The following MOXD1 variants were observed in gnomAD, a reference collection of about 807,000 sequenced individuals.
MOXD1 encodes the protein monooxygenase DBH like 1.
MOXD1 carries 62 observed loss-of-function variants against 66.6 expected under a neutral mutation model. The ratio of observed to expected loss-of-function variants is 0.93; its 90% CI spans 0.76 to 1.15. The LOEUF (loss-of-function observed/expected upper bound fraction) is 1.15. MOXD1 is among the 50% of genes most tolerant of loss of function. The pLI, the probability that MOXD1 is intolerant of heterozygous loss-of-function variation, is 0.00. For synonymous variants in MOXD1, 303 were observed against 281.9 expected, an observed-to-expected ratio of 1.07 and a Z score of -0.75; for missense variants, 847 against 754.6, an observed-to-expected ratio of 1.12 and a Z score of -1.44.
intron 4 of MOXD1, among the ~76,000 whole-genome samples, chr6:132,337,692 A>G (rs1318272799): frequency 1.3e-5 from 2 of 152,240 alleles, no homozygotes; most frequent in Non-Finnish European, 2.9e-5. Context: ...ACAGAACATT[A>G]CTTTTAAGAC....
At chr6:132,401,038 G>C (rs1777012331) in intron 1 of MOXD1, 125 bp downstream of exon 1, 3 of 1,222,752 alleles carry the variant, frequency 2.5e-6, no homozygotes, top group Non-Finnish European at 2.1e-6. Context: ...GCGTGGCCGG[G>C]GGCGCGGGGC....
At chr6:132,304,545 C>A (rs1774644463) in intron 10 of MOXD1, among the ~76,000 whole-genome samples, 1 of 152,184 alleles carries the variant, frequency 6.6e-6, no homozygotes, top group Admixed American at 6.5e-5. Context: ...ACAGTAGAGG[C>A]TCCATCTATT....
At position 132,363,341 on chromosome 6, in the gene MOXD1, A is replaced by G. The variant is rs183753183; in HGVS notation, c.663+9267T>C. 2.5e-3 allele frequency among the ~76,000 whole-genome samples: 380 copies of G among 152,218 alleles called. 4 individuals are homozygous for G. Among genetic ancestry groups the G allele is most frequent in the East Asian group, 5.8e-3 (30 of 5,178 alleles). On this transcript the variant is annotated intron_variant, in intron 4 of 11. Coordinates refer to ENST00000367963, the MANE Select transcript of MOXD1 (RefSeq NM_015529.4). ...TTTCCAAGCTCATCAAATGGTACAC[A>G]CTATAACTGTGCAGTTCTTTGTATA...
chr6:132,354,863 G>T (rs554004456), intron 4 of MOXD1, among the ~76,000 whole-genome samples: 2 of 152,230 alleles, frequency 1.3e-5, no homozygotes, highest in African/African-American at 2.4e-5. Context: ...AGGTTCCCAG[G>T]TCAATGGAGT....
chr6:132,351,205 C>T (rs1265536125), intron 4 of MOXD1, among the ~76,000 whole-genome samples: 1 of 152,078 alleles, frequency 6.6e-6, no homozygotes, highest in Non-Finnish European at 1.5e-5. Flanking sequence ...GATTGGGCAT[C>T]CTTGTCTTGT....
intron 10 of MOXD1, among the ~76,000 whole-genome samples, chr6:132,305,525 T>C (rs1774669646): frequency 6.6e-6 from 1 of 152,192 alleles, no homozygotes; most frequent in Non-Finnish European, 1.5e-5. Flanking sequence ...AAGTGCTTTG[T>C]AAAATGAGTC....
intron 4 of MOXD1, among the ~76,000 whole-genome samples, chr6:132,346,495 A>C (rs1443637511): frequency 6.6e-6 from 1 of 152,190 alleles, no homozygotes; most frequent in East Asian, 1.9e-4. Context: ...CTAAAGGCTA[A>C]ATCTAATTGT....
intron 4 of MOXD1, among the ~76,000 whole-genome samples, chr6:132,335,254 C>G (rs1582578765): frequency 1.3e-5 from 2 of 151,198 alleles, no homozygotes; most frequent in African/African-American, 4.9e-5. Context: ...ATTACCTAAA[C>G]AATAATGCTG....
intron 4 of MOXD1, among the ~76,000 whole-genome samples, chr6:132,356,127 C>G (rs923090807): frequency 1.3e-5 from 2 of 152,216 alleles, no homozygotes; most frequent in Non-Finnish European, 2.9e-5. Flanking sequence ...TGAGTTGATA[C>G]TCTATTCTTG....
chr6:132,316,449 C>T (rs1774961777), intron 9 of MOXD1, among the ~76,000 whole-genome samples: 2 of 151,918 alleles, frequency 1.3e-5, no homozygotes, highest in South Asian at 4.1e-4. Context: ...TCAATAAAGC[C>T]GTTTTACAAA....
intron 10 of MOXD1, among the ~76,000 whole-genome samples, chr6:132,304,164 C>T (rs1018348306): frequency 2.6e-5 from 4 of 151,746 alleles, no homozygotes; most frequent in African/African-American, 9.7e-5. Flanking sequence ...GGGTTCCATG[C>T]TCATGAATGG....
chr6:132,388,594 G>A (rs544663730), intron 1 of MOXD1, among the ~76,000 whole-genome samples: 1 of 151,436 alleles, frequency 6.6e-6, no homozygotes, highest in Admixed American at 6.6e-5. Context: ...TAGCTTGAGG[G>A]CATTTCACTG....
At position 132,349,378 on chromosome 6, in the gene MOXD1, C is replaced by T. The variant is rs868315391; in HGVS notation, c.664-20784G>A. On this transcript the variant is annotated intron_variant, in intron 4 of 11. Coordinates refer to ENST00000367963, the MANE Select transcript of MOXD1 (RefSeq NM_015529.4). The stretch of plus-strand genomic sequence containing the variant: ...ATATATTCCATCATATATATATATA[C>T]ATGTATATATATATACACATATATA... Among the ~76,000 whole-genome samples, 129 of 64,544 alleles carry T rather than the reference C, an allele frequency of 2.0e-3. 4 individuals carry two copies. The highest frequency in any genetic ancestry group is 2.7e-3 in the Non-Finnish European group (92 of 34,404). 42.3% of individuals were successfully genotyped at this position (64,544 alleles called of 152,430 possible).
intron 4 of MOXD1, among the ~76,000 whole-genome samples, chr6:132,350,681 G>A (rs1397145618): frequency 2.0e-5 from 3 of 151,948 alleles, no homozygotes; most frequent in Admixed American, 6.6e-5. Flanking sequence ...GTATTTTGAC[G>A]GGGACTGAAT....
chr6:132,339,799 T>C (rs1374615694), intron 4 of MOXD1, among the ~76,000 whole-genome samples: 1 of 151,776 alleles, frequency 6.6e-6, no homozygotes, highest in Admixed American at 6.6e-5. Flanking sequence ...TTCTCTACCA[T>C]GAGGCAAAAT....
chr6:132,329,348 C>T (rs1057262157), intron 4 of MOXD1, among the ~76,000 whole-genome samples: 2 of 152,162 alleles, frequency 1.3e-5, no homozygotes, highest in African/African-American at 4.8e-5. Flanking sequence ...ATATGTGCCA[C>T]ATTTTCTTAA....
intron 4 of MOXD1, among the ~76,000 whole-genome samples, chr6:132,371,857 T>C: frequency 6.6e-6 from 1 of 152,222 alleles, no homozygotes. Context: ...TACAGTATTC[T>C]GTATGCACTA....
At chr6:132,312,330 A>G (rs1774847615) in intron 10 of MOXD1, among the ~76,000 whole-genome samples, 1 of 152,226 alleles carries the variant, frequency 6.6e-6, no homozygotes, top group Admixed American at 6.5e-5. Context: ...CATATGTTAT[A>G]TGATATTCCT....
In MOXD1 at chr6:132,354,631, G is replaced by A. The variant is rs368368871; in HGVS notation, c.663+17977C>T. Reference sequence around the variant, plus strand: ...AAGTTCTATTTTTGTGCTGGTTGGCGTCCTGCCAGGAGGTGGCACTTTCCA... The same window carrying A: ...AAGTTCTATTTTTGTGCTGGTTGGCATCCTGCCAGGAGGTGGCACTTTCCA... On this transcript the variant is annotated intron_variant, in intron 4 of 11. Coordinates refer to ENST00000367963, the MANE Select transcript of MOXD1 (RefSeq NM_015529.4). Among the ~76,000 whole-genome samples the A allele has an allele frequency of 4.7e-4, 71 of 152,352 alleles. 1 individual carries two copies. Among genetic ancestry groups the A allele is most frequent in the East Asian group, 5.8e-4 (3 of 5,186 alleles).
Sources: allele counts gnomAD v4.1 joint callset (sites outside exome capture counted in the v4.1 genomes callset), GRCh38; gene constraint gnomAD v4.1.1; transcripts MANE v1.5; gene names NCBI Gene and HGNC (gene_info 2026-07-23, HGNC 2026-07-21).